Variants in SNX29 observed in about 807,000 individuals in gnomAD.
SNX29 encodes the protein sorting nexin 29, also known as sorting nexin-29.
Under a neutral mutation model 102.1 loss-of-function variants are expected in SNX29, and 78 were observed. The observed-to-expected ratio is 0.76, with a 90% CI of 0.64 to 0.92. SNX29 has a LOEUF of 0.92. Among genes scored for constraint, SNX29 ranks in the 40% least tolerant of loss-of-function variants. The pLI, the probability that SNX29 is intolerant of heterozygous loss-of-function variation, is 0.00. For missense variants in SNX29, 1,280 were observed against 1,061.7 expected (o/e 1.21, Z -2.86); for synonymous variants, 580 against 414.5 (o/e 1.40, Z -4.85).
At chr16:12,131,123 G>C (rs2054448568) in intron 13 of SNX29, among the ~76,000 whole-genome samples, 1 of 152,252 alleles carries the variant, frequency 6.6e-6, no homozygotes. Context: ...CAGTGTGGGA[G>C]AGGGCCTGCT....
intron 13 of SNX29, chr16:12,135,432 T>C (rs1439247678): frequency 9.3e-7 from 1 of 1,069,634 alleles, no homozygotes; most frequent in Non-Finnish European, 1.3e-6. Context: ...GACAGTTGGG[T>C]TGCTCCATCC....
chr16:12,311,137 A>G lies in SNX29; in HGVS notation c.1782+33101A>G, dbSNP rs1428701630. 2.6e-5 allele frequency among the ~76,000 whole-genome samples: 4 copies of G among 152,176 alleles called. No homozygotes were observed. In the South Asian group the frequency reaches 6.2e-4, roughly 24 times the overall value. ...CTCGATAGGGCAGAGCTGCATTGCT[A>G]AAAAATTAAGCTCTTCATTTGAAAC... is the stretch of plus-strand genomic sequence containing the variant. On this transcript the variant is annotated intron_variant, in intron 15 of 20. Transcript: ENST00000566228.
At chr16:12,503,094 C>T (rs1290650850) in intron 19 of SNX29, among the ~76,000 whole-genome samples, 1 of 152,140 alleles carries the variant, frequency 6.6e-6, no homozygotes, top group Admixed American at 6.5e-5. Context: ...CAGGGAGGAC[C>T]CTCCCATCCA....
chr16:11,986,948 A>G lies in SNX29; in HGVS notation c.7+10135A>G, dbSNP rs571906439. ...CTGACCCCTACACTAGGACACTGCAATACAAATCTTCGTGCCCATTGATGC... is the reference window on the plus strand; with the variant it reads ...CTGACCCCTACACTAGGACACTGCAGTACAAATCTTCGTGCCCATTGATGC... On this transcript the variant is annotated intron_variant, in intron 1 of 20. Coordinates refer to ENST00000566228, the MANE Select transcript of SNX29 (RefSeq NM_032167.5). Among the ~76,000 whole-genome samples, 76 of 152,346 alleles carry G rather than the reference A, an allele frequency of 5.0e-4. 1 individual carries two copies. In the South Asian group the frequency reaches 9.7e-3, roughly 19 times the overall value.
intron 20 of SNX29, among the ~76,000 whole-genome samples, chr16:12,537,845 C>A (rs1000088602): frequency 6.6e-6 from 1 of 152,104 alleles, no homozygotes; most frequent in Non-Finnish European, 1.5e-5. Flanking sequence ...TCTGGCTGGG[C>A]ATGGTGGCTC....
intron 18 of SNX29, among the ~76,000 whole-genome samples, chr16:12,450,636 G>A (rs1031844670): frequency 1.3e-5 from 2 of 152,232 alleles, no homozygotes; most frequent in Admixed American, 1.3e-4. Flanking sequence ...TCAGGCCACG[G>A]TTACCAAAGA....
rs771858893 is a variant in SNX29, at chr16:12,572,729, G to A, written c.*4100G>A. On this transcript the variant is annotated 3_prime_UTR_variant, in exon 21 of 21. Coordinates refer to ENST00000566228, the MANE Select transcript of SNX29 (RefSeq NM_032167.5). ...TTCCAGCCTTGGCACAGAACTGATG[G>A]CAAAGGAAGGGCTGGGTTTTCAGCT... The A allele has an allele frequency of 9.4e-7, 1 of 1,063,980 alleles. No individual in the cohort carries two copies. The highest frequency in any genetic ancestry group is 1.6e-5 in the African/African-American group (1 of 61,096). 65.9% of individuals were successfully genotyped at this position (1,063,980 alleles called of 1,614,324 possible).
chr16:12,242,692 C>T (rs1420263260), intron 14 of SNX29, among the ~76,000 whole-genome samples: 5 of 149,658 alleles, frequency 3.3e-5, no homozygotes, highest in East Asian at 3.9e-4. Flanking sequence ...CTTACTGTGT[C>T]ACCCAGGCTG....
intron 14 of SNX29, among the ~76,000 whole-genome samples, chr16:12,222,184 A>G (rs2077496560): frequency 6.6e-6 from 1 of 152,224 alleles, no homozygotes; most frequent in African/African-American, 2.4e-5. Flanking sequence ...CACTTGCCCA[A>G]GGTCACAGAG....
chr16:12,301,344 C>G (rs780192883), intron 15 of SNX29, among the ~76,000 whole-genome samples: 14 of 152,334 alleles, frequency 9.2e-5, no homozygotes, highest in Non-Finnish European at 1.8e-4. Flanking sequence ...TCACCACACT[C>G]CTCGTTCTAC....
At chr16:12,319,148 C>A (rs1213126290) in intron 15 of SNX29, among the ~76,000 whole-genome samples, 1 of 152,154 alleles carries the variant, frequency 6.6e-6, no homozygotes, top group Non-Finnish European at 1.5e-5. Flanking sequence ...TACATTCCAG[C>A]CCTTGTATAA....
chr16:12,459,085 C>T (rs1418636182), intron 18 of SNX29, among the ~76,000 whole-genome samples: 1 of 115,362 alleles, frequency 8.7e-6, no homozygotes, highest in African/African-American at 3.3e-5. Flanking sequence ...CCGGTCCACT[C>T]CCCCCTCCTC....
chr16:12,208,227 TTC>T, intron 14 of SNX29, among the ~76,000 whole-genome samples: 1 of 152,214 alleles, frequency 6.6e-6, no homozygotes, highest in South Asian at 2.1e-4. Flanking sequence ...CTCGGAAGTG[TTC>T]TCTCTGGCCG....
chr16:12,369,927 T>A (rs2082621750), intron 16 of SNX29, among the ~76,000 whole-genome samples: 1 of 152,184 alleles, frequency 6.6e-6, no homozygotes, highest in Non-Finnish European at 1.5e-5. Flanking sequence ...GAAAAAATCT[T>A]TCTTTGAGGC....
In SNX29 at chr16:12,571,261, G is replaced by A. The variant is rs1567229699; in HGVS notation, c.*2632G>A. ...GGAGCAGAAACACCCAGGCCTAGCA[G>A]AATTGTGGCTGAAACCTGGTGCCCA... On this transcript the variant is annotated 3_prime_UTR_variant, in exon 21 of 21. Transcript: ENST00000566228. The A allele has an allele frequency of 1.7e-5, 4 of 232,024 alleles. No individual in the cohort carries two copies. Among genetic ancestry groups the A allele is most frequent in the Non-Finnish European group, 8.5e-6 (1 of 117,352 alleles). The allele number at this position is 232,024 out of a possible 1,614,324, so 14.4% of individuals were successfully genotyped here. A position where few individuals can be genotyped will look rare whatever the true frequency, so the allele number is the denominator to read the frequency against.
chr16:12,123,099 T>C (rs564679865), intron 11 of SNX29, among the ~76,000 whole-genome samples: 48 of 152,312 alleles, frequency 3.2e-4, no homozygotes, highest in East Asian at 2.3e-3. Flanking sequence ...GGGCTGGGAT[T>C]ACAGGCATGA....
chr16:12,055,697 C>T (rs188538323), intron 8 of SNX29, among the ~76,000 whole-genome samples: 13 of 152,230 alleles, frequency 8.5e-5, no homozygotes, highest in Non-Finnish European at 1.8e-4. Context: ...CTGTCTTTTT[C>T]CTATCGAGGC....
chr16:12,503,609 T>C (rs1257878522), intron 19 of SNX29, among the ~76,000 whole-genome samples: 1 of 152,196 alleles, frequency 6.6e-6, no homozygotes, highest in African/African-American at 2.4e-5. Flanking sequence ...AGAGCAGAAA[T>C]GGTGCAGCTT....
intron 11 of SNX29, among the ~76,000 whole-genome samples, chr16:12,083,954 C>T (rs925009330): frequency 2.6e-5 from 4 of 152,256 alleles, no homozygotes; most frequent in Middle Eastern, 3.4e-3. Context: ...AGTCTTCTAT[C>T]GAGCAACCTT....
Sources: allele counts gnomAD v4.1 joint callset (sites outside exome capture counted in the v4.1 genomes callset), GRCh38; gene constraint gnomAD v4.1.1; transcripts MANE v1.5; gene names NCBI Gene and HGNC (gene_info 2026-07-23, HGNC 2026-07-21).